LRP1B: variants seen among roughly 807,000 people sequenced by gnomAD.
LRP1B encodes the protein low-density lipoprotein receptor-related protein 1B.
Under a neutral mutation model 556.6 loss-of-function variants are expected in LRP1B, and 217 were observed. The observed-to-expected ratio is 0.39, with a 90% CI of 0.35 to 0.44. LRP1B has a LOEUF of 0.44. Ranked by LOEUF, LRP1B falls within the 20% of genes least tolerant of loss-of-function variation. The probability of loss-of-function intolerance (pLI) is 1.00; values close to 1 mark genes in which losing one functional copy is unlikely to be tolerated. For missense variants in LRP1B, 5,053 were observed against 5,620.8 expected, an observed-to-expected ratio of 0.90 and a Z score of 3.23; for synonymous variants, 2,047 against 1,865.8, an observed-to-expected ratio of 1.10 and a Z score of -2.50.
At chr2:140,360,959 T>G (rs1282466434) in intron 72 of LRP1B, among the ~76,000 whole-genome samples, 2 of 151,442 alleles carry the variant, frequency 1.3e-5, no homozygotes, top group Non-Finnish European at 3.0e-5. Flanking sequence ...CTTTAATGAT[T>G]TTTAATCCAA....
At position 141,929,381 on chromosome 2, in the gene LRP1B, C is replaced by T. The variant is rs934180063; in HGVS notation, c.83-118980G>A. Reference sequence around the variant, plus strand: ...TAATATTCCTATCATCATATAGCTACGAATCATCAATTTGATTATTTTATT... The same window carrying T: ...TAATATTCCTATCATCATATAGCTATGAATCATCAATTTGATTATTTTATT... On this transcript the variant is annotated intron_variant, in intron 1 of 90. Transcript: ENST00000389484. Among the ~76,000 whole-genome samples the T allele has an allele frequency of 1.1e-4, 16 of 151,984 alleles. 1 individual carries two copies. The highest frequency in any genetic ancestry group is 9.7e-5 in the African/African-American group (4 of 41,394).
chr2:142,088,058 C>T (rs956162220), intron 1 of LRP1B, among the ~76,000 whole-genome samples: 3 of 152,050 alleles, frequency 2.0e-5, no homozygotes, highest in Non-Finnish European at 2.9e-5. Context: ...GGATTCACTA[C>T]AGGTTTTCTT....
At chr2:140,679,087 C>T (rs1003660156) in intron 41 of LRP1B, among the ~76,000 whole-genome samples, 4 of 152,060 alleles carry the variant, frequency 2.6e-5, no homozygotes, top group African/African-American at 9.7e-5. Context: ...AGGCCTCTCT[C>T]TTTTTCTTGC....
intron 6 of LRP1B, among the ~76,000 whole-genome samples, chr2:141,217,657 T>G (rs1000089024): frequency 6.6e-6 from 1 of 152,124 alleles, no homozygotes; most frequent in East Asian, 1.9e-4. Context: ...TAGGAAATAC[T>G]TTTCTGAACA....
At chr2:140,955,201 A>G (rs1454513945) in intron 18 of LRP1B, among the ~76,000 whole-genome samples, 2 of 151,906 alleles carry the variant, frequency 1.3e-5, no homozygotes, top group Non-Finnish European at 2.9e-5. Flanking sequence ...CAGCATTATA[A>G]TAAATTACCA....
chr2:141,715,085 C>A (rs1692527432), intron 2 of LRP1B, among the ~76,000 whole-genome samples: 1 of 152,120 alleles, frequency 6.6e-6, no homozygotes, highest in South Asian at 2.1e-4. Context: ...GTTCTGAAAT[C>A]ACACTCTCTT....
In LRP1B at chr2:140,450,664, TAAAAA is replaced by T. The variant is rs967103248; in HGVS notation, c.9964-8_9964-4del. 7 of 1,593,564 alleles carry T rather than the reference TAAAAA, an allele frequency of 4.4e-6. No homozygotes were observed. Among genetic ancestry groups the T allele is most frequent in the African/African-American group, 4.1e-5 (3 of 73,202 alleles). Reference sequence around the variant, plus strand: ...CATTTGTCAGTTTTGCAACGAAACTTAAAAAAGAAAAAAAGAAAAAAAAATGTTGA... The same window carrying T: ...CATTTGTCAGTTTTGCAACGAAACTTAGAAAAAAAGAAAAAAAAATGTTGA... On this transcript the variant is annotated splice_region_variant and splice_polypyrimidine_tract_variant and intron_variant, in intron 62 of 90. Coordinates refer to ENST00000389484, the MANE Select transcript of LRP1B (RefSeq NM_018557.3).
intron 1 of LRP1B, among the ~76,000 whole-genome samples, chr2:141,945,971 T>G (rs936394791): frequency 3.9e-5 from 6 of 152,198 alleles, no homozygotes; most frequent in African/African-American, 1.4e-4. Context: ...TTTATTTTTA[T>G]CTAATTATTG....
chr2:141,066,316 G>A (rs978680334), intron 7 of LRP1B, among the ~76,000 whole-genome samples: 3 of 151,872 alleles, frequency 2.0e-5, no homozygotes, highest in Admixed American at 6.6e-5. Flanking sequence ...GAGCAGCCCC[G>A]TTTCACTACA....
chr2:141,107,679 T>C (rs916046670), intron 7 of LRP1B, among the ~76,000 whole-genome samples: 2 of 151,970 alleles, frequency 1.3e-5, no homozygotes, highest in Non-Finnish European at 2.9e-5. Context: ...TATATTTAAA[T>C]TCCATTTGAT....
intron 78 of LRP1B, among the ~76,000 whole-genome samples, 183 bp downstream of exon 78, chr2:140,335,432 T>A (rs1681031752): frequency 6.6e-6 from 1 of 151,556 alleles, no homozygotes; most frequent in Non-Finnish European, 1.5e-5. Flanking sequence ...AGAAAAAAAA[T>A]TTGTATCATC....
chr2:141,639,283 C>A (rs2105360740), intron 2 of LRP1B, among the ~76,000 whole-genome samples: 3 of 116,894 alleles, frequency 2.6e-5, no homozygotes, highest in East Asian at 2.8e-4. Context: ...ATTGCTGGAC[C>A]CAGGAGTACG....
intron 1 of LRP1B, among the ~76,000 whole-genome samples, chr2:141,910,331 GC>G (rs1311153779): frequency 6.6e-6 from 1 of 152,046 alleles, no homozygotes; most frequent in Non-Finnish European, 1.5e-5. Context: ...CAAACTGACA[GC>G]CATTAAGATC....
At chr2:141,337,957 T>C (rs1472738358) in intron 3 of LRP1B, among the ~76,000 whole-genome samples, 3 of 152,186 alleles carry the variant, frequency 2.0e-5, no homozygotes, top group African/African-American at 7.2e-5. Flanking sequence ...TTCCGAATGA[T>C]GTTATGAAGT....
chr2:140,474,743 C>T (rs1687899869), intron 60 of LRP1B, among the ~76,000 whole-genome samples: 1 of 151,840 alleles, frequency 6.6e-6, no homozygotes, highest in African/African-American at 2.4e-5. Context: ...TAACTGATAA[C>T]TTATAAAACT....
chr2:140,688,359 A>C (rs1323079715), intron 41 of LRP1B, among the ~76,000 whole-genome samples: 2 of 152,022 alleles, frequency 1.3e-5, no homozygotes, highest in Non-Finnish European at 2.9e-5. Context: ...TTCCCATCTC[A>C]TTTTATCTCT....
chr2:141,404,263 T>C (rs962020739), intron 3 of LRP1B, among the ~76,000 whole-genome samples: 13 of 152,214 alleles, frequency 8.5e-5, no homozygotes, highest in African/African-American at 3.1e-4. Flanking sequence ...AACAATCATT[T>C]ATAATTTTCT....
intron 1 of LRP1B, among the ~76,000 whole-genome samples, chr2:141,895,352 C>A (rs1699421797): frequency 6.6e-6 from 1 of 152,058 alleles, no homozygotes; most frequent in African/African-American, 2.4e-5. Flanking sequence ...GCCATAGACA[C>A]AAAACCCCTG....
At chr2:141,079,587 A>C (rs1213252486) in intron 7 of LRP1B, among the ~76,000 whole-genome samples, 1 of 152,210 alleles carries the variant, frequency 6.6e-6, no homozygotes, top group Admixed American at 6.5e-5. Context: ...CTTAATCTTT[A>C]GTTTCCTTCC....
Sources: allele counts gnomAD v4.1 joint callset (sites outside exome capture counted in the v4.1 genomes callset), GRCh38; gene constraint gnomAD v4.1.1; transcripts MANE v1.5; gene names NCBI Gene and HGNC (gene_info 2026-07-23, HGNC 2026-07-21).